Variants in SPHKAP observed in about 807,000 individuals in gnomAD.
The protein encoded by SPHKAP is A-kinase anchor protein SPHKAP.
SPHKAP carries 67 observed loss-of-function variants against 137.5 expected under a neutral mutation model. The ratio of observed to expected loss-of-function variants is 0.49; its 90% CI spans 0.40 to 0.60. The LOEUF is 0.60. SPHKAP is among the 20% of genes least tolerant of loss of function. SPHKAP has a pLI of 0.00. For missense variants in SPHKAP, 2,097 were observed against 2,069.3 expected (o/e 1.01, Z -0.26); for synonymous variants, 813 against 785.3 (o/e 1.04, Z -0.59).
At chr2:228,136,465 C>A (rs1046943264) in intron 1 of SPHKAP, among the ~76,000 whole-genome samples, 1 of 152,172 alleles carries the variant, frequency 6.6e-6, no homozygotes, top group Non-Finnish European at 1.5e-5. Context: ...ACTGCTACCA[C>A]TGCAGTGACT....
At chr2:228,033,193 G>A (rs937545433) in intron 3 of SPHKAP, among the ~76,000 whole-genome samples, 2 of 151,912 alleles carry the variant, frequency 1.3e-5, no homozygotes, top group African/African-American at 4.8e-5. Context: ...GATCTACCAA[G>A]CAAATGGAAA....
chr2:228,056,641 C>T (rs1037331086), intron 3 of SPHKAP, among the ~76,000 whole-genome samples: 8 of 151,334 alleles, frequency 5.3e-5, no homozygotes, highest in East Asian at 1.9e-4. Flanking sequence ...TGTATGAGCA[C>T]GAGCCAGAGG....
chr2:228,169,416 T>C (rs556084564), intron 1 of SPHKAP, among the ~76,000 whole-genome samples: 2 of 152,232 alleles, frequency 1.3e-5, no homozygotes, highest in South Asian at 4.1e-4. Flanking sequence ...TCATTTACTG[T>C]TCCAAAAATC....
chr2:228,062,605 G>GAAAAAA (rs57078919), intron 3 of SPHKAP, among the ~76,000 whole-genome samples: 6 of 146,588 alleles, frequency 4.1e-5, no homozygotes, highest in African/African-American at 1.2e-4. Flanking sequence ...ATTAAAAATG[G>GAAAAAA]AAAAAAAAAA....
At chr2:228,129,097 T>C (rs1347143834) in intron 2 of SPHKAP, among the ~76,000 whole-genome samples, 1 of 152,216 alleles carries the variant, frequency 6.6e-6, no homozygotes, top group Non-Finnish European at 1.5e-5. Context: ...CAACATCTTA[T>C]TTGGGTGCAG....
intron 1 of SPHKAP, among the ~76,000 whole-genome samples, chr2:228,170,467 C>A (rs1236005150): frequency 1.3e-5 from 2 of 151,990 alleles, no homozygotes; most frequent in African/African-American, 4.8e-5. Context: ...ATCTGTGGAG[C>A]AAGCATTTTT....
intron 3 of SPHKAP, among the ~76,000 whole-genome samples, chr2:228,066,823 C>T (rs955439880): frequency 2.0e-5 from 3 of 152,198 alleles, no homozygotes; most frequent in Non-Finnish European, 1.5e-5. Context: ...CACATAATCT[C>T]TTCAAATTTG....
rs1157265685 is a variant in SPHKAP, at chr2:228,018,926, A to G, written c.1928T>C (p.Met643Thr). 5.6e-6 allele frequency: 9 copies of G among 1,614,074 alleles called. No individual in the cohort carries two copies. The highest frequency in any genetic ancestry group is 7.6e-6 in the Non-Finnish European group (9 of 1,180,024). ...YSSIGDFLDSMNRRIMETASK... is the reference protein window; with the variant it reads ...YSSIGDFLDSTNRRIMETASK... ...AGCAGTTTCCATGATTCTCCTGTTC[A>G]TGGAGTCCAGAAAGTCTCCAATGCT... The change falls in exon 7 of 12, where the codon ATG becomes ACG. Residue 643 changes from methionine to threonine, a missense_variant. Physicochemically the swap from Met to Thr is moderately conservative, Grantham distance 81. Transcript: ENST00000392056.
At chr2:228,074,702 G>A (rs1394254632) in intron 3 of SPHKAP, among the ~76,000 whole-genome samples, 1 of 152,104 alleles carries the variant, frequency 6.6e-6, no homozygotes, top group African/African-American at 2.4e-5. Flanking sequence ...GTCTTCTGAA[G>A]TACACCCTTC....
intron 2 of SPHKAP, among the ~76,000 whole-genome samples, chr2:228,129,572 T>C (rs1401091292): frequency 6.6e-6 from 1 of 152,118 alleles, no homozygotes; most frequent in African/African-American, 2.4e-5. Flanking sequence ...TTTGATCATT[T>C]GTGATCTGTA....
At chr2:228,063,162 A>ATCTGTCTGTCTGTCTG (rs1346898468) in intron 3 of SPHKAP, among the ~76,000 whole-genome samples, 9 of 144,020 alleles carry the variant, frequency 6.2e-5, no homozygotes, top group African/African-American at 2.5e-4. Context: ...CTATCTATCT[A>ATCTGTCTGTCTGTCTG]TCTATCTATC....
chr2:228,174,494 A>G (rs562026832), intron 1 of SPHKAP, among the ~76,000 whole-genome samples: 1 of 152,264 alleles, frequency 6.6e-6, no homozygotes, highest in East Asian at 1.9e-4. Context: ...CTAGAGACCA[A>G]GTTCTGGCTC....
intron 2 of SPHKAP, chr2:228,109,232 G>T: frequency 2.9e-6 from 1 of 344,974 alleles, no homozygotes; most frequent in Non-Finnish European, 4.1e-6. Context: ...GCAATCAAAT[G>T]ATTGTTTTGG....
intron 3 of SPHKAP, among the ~76,000 whole-genome samples, chr2:228,087,750 C>A (rs1403410613): frequency 6.6e-6 from 1 of 151,950 alleles, no homozygotes. Context: ...GATATGCAAC[C>A]TGTAAAACAG....
rs560866112 is a variant in SPHKAP, at chr2:228,053,847, C to T, written c.247-26304G>A. On this transcript the variant is annotated intron_variant, in intron 3 of 11. Transcript: ENST00000392056. Reference sequence around the variant, plus strand: ...TTTCTGAAAATTTCACATCTCTCATCCATTGTCCCATTTTCTTTGTCCTTT... The same window carrying T: ...TTTCTGAAAATTTCACATCTCTCATTCATTGTCCCATTTTCTTTGTCCTTT... Among the ~76,000 whole-genome samples the T allele has an allele frequency of 2.2e-3, 340 of 152,266 alleles. 1 individual carries two copies. The highest frequency in any genetic ancestry group is 7.7e-3 in the African/African-American group (321 of 41,568).
chr2:228,027,276 C>A (rs190896675), intron 4 of SPHKAP, among the ~76,000 whole-genome samples: 1 of 152,288 alleles, frequency 6.6e-6, no homozygotes, highest in African/African-American at 2.4e-5. Flanking sequence ...CCTGTTTGGA[C>A]AGTTCTGCCT....
intron 2 of SPHKAP, among the ~76,000 whole-genome samples, chr2:228,113,288 G>A (rs1698576138): frequency 6.6e-6 from 1 of 151,946 alleles, no homozygotes; most frequent in Non-Finnish European, 1.5e-5. Context: ...AGAACTGTCT[G>A]GGCTAACATC....
At chr2:228,157,770 G>T (rs1046162340) in intron 1 of SPHKAP, among the ~76,000 whole-genome samples, 2 of 152,126 alleles carry the variant, frequency 1.3e-5, no homozygotes, top group African/African-American at 4.8e-5. Flanking sequence ...GCCTTCATTG[G>T]AGAGTTTTAG....
chr2:228,103,340 G>T (rs1328558900), intron 3 of SPHKAP, among the ~76,000 whole-genome samples: 2 of 152,176 alleles, frequency 1.3e-5, no homozygotes, highest in Non-Finnish European at 2.9e-5. Flanking sequence ...TGGGCTTGGG[G>T]TTTCCCACTC....
Sources: gnomAD v4.1 joint callset for allele counts (sites outside exome capture counted in the v4.1 genomes callset) on GRCh38, gnomAD v4.1.1 for gene constraint, MANE v1.5 for transcripts, NCBI Gene and HGNC (gene_info 2026-07-23, HGNC 2026-07-21) for gene names.